EHMT1: variants seen among roughly 807,000 people sequenced by gnomAD.
The protein encoded by EHMT1 is histone-lysine N-methyltransferase EHMT1.
A neutral mutation model predicts 147.2 loss-of-function variants in EHMT1; 15 were observed. That is an observed-to-expected ratio of 0.10 (90% CI 0.07 to 0.16). The LOEUF is 0.16. EHMT1 is among the 10% of genes least tolerant of loss of function. EHMT1 has a pLI of 1.00. For missense variants in EHMT1, 1,587 were observed against 1,772.4 expected, an observed-to-expected ratio of 0.90 and a Z score of 1.88; for synonymous variants, 795 against 709.6, an observed-to-expected ratio of 1.12 and a Z score of -1.91.
At chr9:137,802,153 C>T (rs887869016) in intron 18 of EHMT1, among the ~76,000 whole-genome samples, 1 of 152,214 alleles carries the variant, frequency 6.6e-6, no homozygotes, top group Non-Finnish European at 1.5e-5. Flanking sequence ...CAGGGACCCA[C>T]AAAACCAGTG....
At chr9:137,635,677 G>A (rs933914840) in intron 1 of EHMT1, among the ~76,000 whole-genome samples, 1 of 150,948 alleles carries the variant, frequency 6.6e-6, no homozygotes, top group Non-Finnish European at 1.5e-5. Flanking sequence ...AAAATTAGTG[G>A]GACGTGGTGG....
At chr9:137,645,983 G>C (rs1445600277) in intron 1 of EHMT1, among the ~76,000 whole-genome samples, 1 of 151,710 alleles carries the variant, frequency 6.6e-6, no homozygotes, top group African/African-American at 2.4e-5. Context: ...TTTTGAGACA[G>C]AGTCTTGCTC....
intron 1 of EHMT1, among the ~76,000 whole-genome samples, chr9:137,635,793 CT>C (rs1471831871): frequency 6.6e-6 from 1 of 151,434 alleles, no homozygotes; most frequent in Non-Finnish European, 1.5e-5. Context: ...GCTCTCCAGC[CT>C]GGGCGACAGA....
intron 9 of EHMT1, among the ~76,000 whole-genome samples, chr9:137,761,709 G>A (rs1949835994): frequency 6.6e-6 from 1 of 152,072 alleles, no homozygotes; most frequent in Admixed American, 6.5e-5. Flanking sequence ...TGCCCGCCTT[G>A]GCCTCCCAAA....
rs1200746889 is a variant in EHMT1, at chr9:137,728,421, A to G, written c.715A>G (p.Lys239Glu). The G allele has an allele frequency of 6.2e-7, 1 of 1,614,090 alleles. No homozygotes were observed. The highest frequency in any genetic ancestry group is 1.3e-5 in the African/African-American group (1 of 74,934). ...DHKEPKEEIN[K>E]NISDFGRQQL... ...TAAGGAACCAAAAGAGGAGATCAAC[A>G]AAAACATTTCTGACTTTGGACGACA... The change falls in exon 4 of 27, where the codon AAA becomes GAA. Residue 239 changes from lysine to glutamate, a missense_variant. Coordinates refer to ENST00000460843, the MANE Select transcript of EHMT1 (RefSeq NM_024757.5).
intron 4 of EHMT1, among the ~76,000 whole-genome samples, chr9:137,739,072 G>GT (rs1947814529): frequency 7.1e-6 from 1 of 140,418 alleles, no homozygotes; most frequent in Non-Finnish European, 1.5e-5. Flanking sequence ...TATTTTACTA[G>GT]TAAAAAAAAA....
chr9:137,674,669 T>C (rs953466146), intron 1 of EHMT1, among the ~76,000 whole-genome samples: 4 of 152,230 alleles, frequency 2.6e-5, no homozygotes, highest in Non-Finnish European at 5.9e-5. Context: ...AGTTGTAGAA[T>C]ACGTATTTTG....
intron 1 of EHMT1, among the ~76,000 whole-genome samples, chr9:137,648,287 A>G (rs3003370): frequency 0.037 from 5,635 of 152,194 alleles, 338 homozygotes; most frequent in African/African-American, 0.13. Flanking sequence ...ATACCTGGAA[A>G]ACCCAAAAGA....
intron 17 of EHMT1, among the ~76,000 whole-genome samples, chr9:137,799,762 C>T (rs367872330): frequency 6.2e-4 from 94 of 152,350 alleles, no homozygotes; most frequent in African/African-American, 2.0e-3. Flanking sequence ...GCTGTGGCAG[C>T]GTCCCCATGG....
Position 137,811,599 on chromosome 9 carries a change from C to A in EHMT1, c.2851C>A (p.Arg951Ser), listed in dbSNP as rs146451775. ...ACTGCACATTGCCGCCCGGGAGAAC[C>A]GCTACGACTGTGTCGTGTGAGTGCA... Reference protein sequence around the residue: ...SPLHIAARENRYDCVVLFLSR... With the variant: ...SPLHIAARENSYDCVVLFLSR... The change falls in exon 19 of 27, where the codon CGC becomes AGC. Residue 951 changes from arginine (R) to serine (S), a missense_variant. Coordinates refer to ENST00000460843, the MANE Select transcript of EHMT1 (RefSeq NM_024757.5). 2.5e-5 allele frequency: 40 copies of A among 1,602,470 alleles called. No individual in the cohort carries two copies. Among genetic ancestry groups the A allele is most frequent in the Non-Finnish European group, 4.2e-6 (5 of 1,179,968 alleles).
At chr9:137,795,421 ACACACAC>A (rs1564776184) in intron 16 of EHMT1, among the ~76,000 whole-genome samples, 4 of 67,064 alleles carry the variant, frequency 6.0e-5, no homozygotes, top group African/African-American at 3.7e-4. Context: ...ACACACACAC[ACACACAC>A]TCTCACACTC....
At chr9:137,667,942 C>T (rs1197545946) in intron 1 of EHMT1, among the ~76,000 whole-genome samples, 1 of 152,040 alleles carries the variant, frequency 6.6e-6, no homozygotes, top group South Asian at 2.1e-4. Context: ...GGTAAATTAC[C>T]TTTTAGAATT....
intron 6 of EHMT1, among the ~76,000 whole-genome samples, 176 bp from the exon 7 acceptor site, chr9:137,752,155 C>T (rs2136187530): frequency 6.6e-6 from 1 of 152,358 alleles, no homozygotes; most frequent in South Asian, 2.1e-4. Context: ...CTCGGTCACC[C>T]CACACACCAG....
At chr9:137,673,137 T>G (rs1336959037) in intron 1 of EHMT1, among the ~76,000 whole-genome samples, 1 of 152,216 alleles carries the variant, frequency 6.6e-6, no homozygotes, top group Admixed American at 6.5e-5. Flanking sequence ...ACCTTCCTTT[T>G]GCATCAGGGT....
intron 1 of EHMT1, among the ~76,000 whole-genome samples, chr9:137,668,648 C>T (rs990725003): frequency 6.6e-6 from 1 of 152,200 alleles, no homozygotes; most frequent in Admixed American, 6.5e-5. Flanking sequence ...TCCCTGGCAA[C>T]CACTCATCTG....
intron 2 of EHMT1, 132 bp downstream of exon 2, chr9:137,711,162 A>G: frequency 1.1e-6 from 1 of 871,638 alleles, no homozygotes; most frequent in South Asian, 2.0e-5. Flanking sequence ...TATAGTTTCT[A>G]ATCTATCCCA....
At chr9:137,811,414 T>C in intron 18 of EHMT1, 47 bp from the exon 19 acceptor site, 12 of 1,609,136 alleles carry the variant, frequency 7.5e-6, no homozygotes, top group Non-Finnish European at 1.0e-5. Context: ...CCCAGCACTG[T>C]GAGCCAGCAG....
At chr9:137,724,748 G>A (rs979000058) in intron 3 of EHMT1, among the ~76,000 whole-genome samples, 2 of 152,218 alleles carry the variant, frequency 1.3e-5, no homozygotes, top group African/African-American at 4.8e-5. Context: ...AGTTCTAACA[G>A]TGGCTTCACT....
intron 1 of EHMT1, among the ~76,000 whole-genome samples, chr9:137,706,954 A>G (rs1042199536): frequency 6.6e-6 from 1 of 151,516 alleles, no homozygotes; most frequent in Non-Finnish European, 1.5e-5. Context: ...CCTCCCGAGT[A>G]GCTGGGATTA....
Sources: gnomAD v4.1 joint callset for allele counts (sites outside exome capture counted in the v4.1 genomes callset) on GRCh38, gnomAD v4.1.1 for gene constraint, MANE v1.5 for transcripts, NCBI Gene and HGNC (gene_info 2026-07-23, HGNC 2026-07-21) for gene names.